The following KCNMA1 variants were observed in gnomAD, a reference collection of about 807,000 sequenced individuals.
KCNMA1 encodes the protein potassium calcium-activated channel subfamily M alpha 1.
Under a neutral mutation model 140.0 loss-of-function variants are expected in KCNMA1, and 29 were observed. The observed-to-expected ratio is 0.21, with a 90% CI of 0.15 to 0.28. The LOEUF (loss-of-function observed/expected upper bound fraction) is 0.28, where lower values mean the gene tolerates loss of function less well. Among genes scored for constraint, KCNMA1 ranks in the 10% least tolerant of loss-of-function variants. The pLI, the probability that KCNMA1 is intolerant of heterozygous loss-of-function variation, is 1.00. For synonymous variants in KCNMA1, 612 were observed against 611.9 expected (o/e 1.00, Z 0.00); for missense variants, 880 against 1,602.2 (o/e 0.55, Z 7.70).
intron 1 of KCNMA1, among the ~76,000 whole-genome samples, chr10:77,502,979 T>C (rs969167480): frequency 6.6e-6 from 1 of 152,208 alleles, no homozygotes; most frequent in African/African-American, 2.4e-5. Context: ...GAGCTGAGTG[T>C]GGCGGCACAT....
intron 2 of KCNMA1, among the ~76,000 whole-genome samples, chr10:77,402,311 G>A (rs1405231092): frequency 6.6e-6 from 1 of 152,148 alleles, no homozygotes; most frequent in South Asian, 2.1e-4. Flanking sequence ...TCACCTCCAA[G>A]TCCCCACTAG....
intron 2 of KCNMA1, among the ~76,000 whole-genome samples, chr10:77,390,927 T>G (rs1283407238): frequency 3.9e-5 from 6 of 152,168 alleles, no homozygotes; most frequent in Non-Finnish European, 8.8e-5. Context: ...GAAAGGGGTC[T>G]TTACTTTCTC....
chr10:76,959,621 T>C (rs1462110800), intron 20 of KCNMA1, among the ~76,000 whole-genome samples: 1 of 152,226 alleles, frequency 6.6e-6, no homozygotes, highest in African/African-American at 2.4e-5. Flanking sequence ...GACCCACTCA[T>C]GTATTACTAG....
At chr10:77,007,070 C>T (rs1257898939) in intron 18 of KCNMA1, among the ~76,000 whole-genome samples, 1 of 152,152 alleles carries the variant, frequency 6.6e-6, no homozygotes, top group African/African-American at 2.4e-5. Context: ...TGAACTGTTC[C>T]ACAGATTGGG....
intron 5 of KCNMA1, among the ~76,000 whole-genome samples, chr10:77,153,571 C>T (rs908325149): frequency 3.3e-5 from 5 of 152,170 alleles, no homozygotes; most frequent in African/African-American, 1.2e-4. Context: ...TGGGTTTCAC[C>T]ATGTTGCCCA....
chr10:77,058,994 C>T (rs1391099904), intron 14 of KCNMA1, among the ~76,000 whole-genome samples: 1 of 151,638 alleles, frequency 6.6e-6, no homozygotes, highest in African/African-American at 2.4e-5. Context: ...AGAGAGAAGA[C>T]ACAAATAACA....
intron 9 of KCNMA1, among the ~76,000 whole-genome samples, chr10:77,102,071 A>AT (rs927673172): frequency 6.6e-6 from 1 of 152,158 alleles, no homozygotes; most frequent in Non-Finnish European, 1.5e-5. Context: ...ATAGTTGGAG[A>AT]TTTTTATGGA....
Position 77,336,938 on chromosome 10 carries a change from C to T in KCNMA1, c.540+66924G>A, listed in dbSNP as rs190497167. 1.7e-3 allele frequency among the ~76,000 whole-genome samples: 258 copies of T among 152,318 alleles called. 2 individuals are homozygous for T. Among genetic ancestry groups the T allele is most frequent in the African/African-American group, 6.0e-3 (249 of 41,576 alleles). On this transcript the variant is annotated intron_variant, in intron 2 of 27. Transcript: ENST00000286628. ...GAAGGTCAAGAATGCATTGTGCTCC[C>T]GCTGTGGGTAGAGCCTGTGCTAGGT...
At chr10:77,184,617 T>C (rs1014564131) in intron 4 of KCNMA1, among the ~76,000 whole-genome samples, 5 of 152,196 alleles carry the variant, frequency 3.3e-5, no homozygotes, top group African/African-American at 1.2e-4. Context: ...CAATCCCTAT[T>C]TCTCCCCCTT....
chr10:77,136,592 GAA>G (rs57606631), intron 5 of KCNMA1, among the ~76,000 whole-genome samples: 124,694 of 145,066 alleles, frequency 0.86, 53,386 homozygotes, highest in East Asian at 0.91. Context: ...TGGAAATGCT[GAA>G]AAAAAAAAAA....
chr10:76,912,010 G>A (rs1013473963), intron 24 of KCNMA1: 1 of 152,170 alleles, frequency 6.6e-6, no homozygotes, highest in African/African-American at 2.4e-5. Flanking sequence ...TAGGGGGAGG[G>A]GACTCCCGAT....
downstream of KCNMA1, among the ~76,000 whole-genome samples, chr10:76,881,007 C>T (rs2034430706): frequency 6.6e-6 from 1 of 151,994 alleles, no homozygotes; most frequent in Non-Finnish European, 1.5e-5. Flanking sequence ...GTCAGGAGTT[C>T]GTGGAGTTAG....
At chr10:77,470,464 C>T (rs2098126226) in intron 1 of KCNMA1, among the ~76,000 whole-genome samples, 1 of 152,150 alleles carries the variant, frequency 6.6e-6, no homozygotes, top group African/African-American at 2.4e-5. Flanking sequence ...GGCACCCTAC[C>T]TTGAACACCC....
intron 24 of KCNMA1, chr10:76,914,251 A>G: frequency 1.3e-6 from 1 of 764,990 alleles, no homozygotes; most frequent in South Asian, 1.7e-5. Flanking sequence ...ACCCCGGACC[A>G]CAGGTAGTTT....
intron 5 of KCNMA1, among the ~76,000 whole-genome samples, chr10:77,138,717 T>C (rs890428001): frequency 5.3e-5 from 8 of 152,228 alleles, no homozygotes; most frequent in Admixed American, 2.0e-4. Flanking sequence ...AGGCTCTCCA[T>C]GGTTTCTGCT....
chr10:77,165,775 C>T (rs892259080), intron 5 of KCNMA1, among the ~76,000 whole-genome samples: 1 of 152,180 alleles, frequency 6.6e-6, no homozygotes, highest in East Asian at 1.9e-4. Context: ...ACTAAATAGT[C>T]TTTGGACCCT....
intron 5 of KCNMA1, among the ~76,000 whole-genome samples, chr10:77,131,148 T>C (rs1038236075): frequency 5.3e-5 from 8 of 152,202 alleles, no homozygotes; most frequent in Non-Finnish European, 1.2e-4. Flanking sequence ...AGCAATATCC[T>C]GAGTAAACTG....
At chr10:77,543,970 G>T (rs1051079532) in intron 1 of KCNMA1, among the ~76,000 whole-genome samples, 1 of 152,076 alleles carries the variant, frequency 6.6e-6, no homozygotes, top group African/African-American at 2.4e-5. Flanking sequence ...TCTTCTAAAA[G>T]ATATCCATTT....
intron 2 of KCNMA1, among the ~76,000 whole-genome samples, chr10:77,361,488 C>T (rs568640262): frequency 2.6e-5 from 4 of 152,358 alleles, no homozygotes; most frequent in East Asian, 1.9e-4. Context: ...TGACTGGCTG[C>T]CCCCTGGATT....
Sources: gnomAD v4.1 joint callset for allele counts (sites outside exome capture counted in the v4.1 genomes callset) on GRCh38, gnomAD v4.1.1 for gene constraint, MANE v1.5 for transcripts, NCBI Gene and HGNC (gene_info 2026-07-23, HGNC 2026-07-21) for gene names.